NXPH2: variants seen among roughly 807,000 people sequenced by gnomAD.
NXPH2 encodes the protein neurexophilin 2.
A neutral mutation model predicts 19.8 loss-of-function variants in NXPH2; 5 were observed. That is an observed-to-expected ratio of 0.25 (90% CI 0.13 to 0.53). The LOEUF (loss-of-function observed/expected upper bound fraction) is 0.53. NXPH2 is among the 20% of genes least tolerant of loss of function. NXPH2 has a pLI of 0.96. For synonymous variants in NXPH2, 154 were observed against 127.4 expected (o/e 1.21, Z -1.41); for missense variants, 289 against 322.8 (o/e 0.90, Z 0.80).
intron 1 of NXPH2, among the ~76,000 whole-genome samples, chr2:138,722,468 C>T (rs1377519845): frequency 2.0e-5 from 3 of 152,184 alleles, no homozygotes; most frequent in Admixed American, 6.5e-5. Flanking sequence ...CATGGGCAAG[C>T]GTCCAGGCCA....
chr2:138,756,553 C>T (rs892139236), intron 1 of NXPH2, among the ~76,000 whole-genome samples: 69 of 151,624 alleles, frequency 4.6e-4, no homozygotes, highest in African/African-American at 1.6e-3. Context: ...AAGTGTTTAA[C>T]TGAATTTTTA....
intron 1 of NXPH2, among the ~76,000 whole-genome samples, chr2:138,677,928 C>T (rs937405122): frequency 6.6e-6 from 1 of 152,182 alleles, no homozygotes; most frequent in Non-Finnish European, 1.5e-5. Flanking sequence ...ACATCTAACA[C>T]TATAGTATAT....
chr2:138,687,804 C>CTTA (rs1490645486), intron 1 of NXPH2, among the ~76,000 whole-genome samples: 1 of 152,116 alleles, frequency 6.6e-6, no homozygotes, highest in Non-Finnish European at 1.5e-5. Flanking sequence ...GAATCCTTTC[C>CTTA]TTATTTCTTG....
At chr2:138,697,493 A>G (rs1680845914) in intron 1 of NXPH2, among the ~76,000 whole-genome samples, 1 of 152,090 alleles carries the variant, frequency 6.6e-6, no homozygotes, top group Non-Finnish European at 1.5e-5. Context: ...TTATGTAAGT[A>G]AAGACTACTT....
At chr2:138,774,304 C>A (rs1001746714) in intron 1 of NXPH2, among the ~76,000 whole-genome samples, 2 of 152,100 alleles carry the variant, frequency 1.3e-5, no homozygotes, top group African/African-American at 4.8e-5. Context: ...AATAAGTGCT[C>A]ATCAATTCTC....
chr2:138,714,987 G>A (rs1239349225), intron 1 of NXPH2, among the ~76,000 whole-genome samples: 1 of 152,106 alleles, frequency 6.6e-6, no homozygotes, highest in East Asian at 1.9e-4. Context: ...AACATCAATG[G>A]GAAAGTGGAA....
intron 1 of NXPH2, among the ~76,000 whole-genome samples, chr2:138,772,581 G>C (rs1475685689): frequency 2.0e-5 from 3 of 152,166 alleles, no homozygotes; most frequent in African/African-American, 7.2e-5. Flanking sequence ...ACAGGGGTGA[G>C]CCACCGCGCC....
intron 1 of NXPH2, among the ~76,000 whole-genome samples, chr2:138,750,772 A>G (rs1681818035): frequency 6.6e-6 from 1 of 152,170 alleles, no homozygotes; most frequent in Non-Finnish European, 1.5e-5. Flanking sequence ...CAAGACAACA[A>G]CAACAACCAT....
At chr2:138,694,948 G>A (rs188843926) in intron 1 of NXPH2, among the ~76,000 whole-genome samples, 15 of 152,262 alleles carry the variant, frequency 9.9e-5, no homozygotes, top group African/African-American at 3.6e-4. Flanking sequence ...TACACACCTA[G>A]GCTATATGGT....
intron 1 of NXPH2, among the ~76,000 whole-genome samples, chr2:138,731,045 A>G (rs1409880355): frequency 6.6e-6 from 1 of 152,024 alleles, no homozygotes; most frequent in Non-Finnish European, 1.5e-5. Context: ...TTCCCCTTTC[A>G]TTGTCTTACA....
At chr2:138,733,338 T>C (rs1681481491) in intron 1 of NXPH2, among the ~76,000 whole-genome samples, 1 of 152,198 alleles carries the variant, frequency 6.6e-6, no homozygotes, top group Non-Finnish European at 1.5e-5. Flanking sequence ...AAGTTACACA[T>C]ATTGAGAAAA....
intron 1 of NXPH2, among the ~76,000 whole-genome samples, chr2:138,774,980 A>G (rs1332726059): frequency 6.6e-6 from 1 of 152,236 alleles, no homozygotes; most frequent in African/African-American, 2.4e-5. Flanking sequence ...AATCTAAGTC[A>G]GCGTTATTAT....
intron 1 of NXPH2, among the ~76,000 whole-genome samples, chr2:138,686,753 C>T (rs762570338): frequency 2.6e-5 from 4 of 152,114 alleles, no homozygotes; most frequent in Non-Finnish European, 4.4e-5. Context: ...TTCCTGTGTC[C>T]GTGTGTTCTC....
chr2:138,723,428 C>T (rs183874224), intron 1 of NXPH2, among the ~76,000 whole-genome samples: 168 of 152,290 alleles, frequency 1.1e-3, no homozygotes, highest in African/African-American at 3.9e-3. Flanking sequence ...TCCCTGAAAT[C>T]TAGTTCTCAA....
chr2:138,756,907 A>G (rs1219356262), intron 1 of NXPH2, among the ~76,000 whole-genome samples: 1 of 152,174 alleles, frequency 6.6e-6, no homozygotes, highest in Admixed American at 6.5e-5. Flanking sequence ...TGGGTATGTG[A>G]CTTACTCATT....
chr2:138,777,750 T>C (rs1254641143), intron 1 of NXPH2, among the ~76,000 whole-genome samples: 1 of 150,142 alleles, frequency 6.7e-6, no homozygotes, highest in Non-Finnish European at 1.5e-5. Context: ...ATAAGTATGT[T>C]CTTCAGGCTG....
At chr2:138,743,555 G>A (rs573052165) in intron 1 of NXPH2, among the ~76,000 whole-genome samples, 1 of 152,274 alleles carries the variant, frequency 6.6e-6, no homozygotes, top group African/African-American at 2.4e-5. Flanking sequence ...ACTGCTAATG[G>A]GTATGGGGTT....
chr2:138,670,829 A>G lies in NXPH2; in HGVS notation c.*93T>C, dbSNP rs1558909361. 7.3e-7 allele frequency: 1 copy of G among 1,372,950 alleles called. No individual in the cohort carries two copies. Among genetic ancestry groups the G allele is most frequent in the East Asian group, 2.3e-5 (1 of 43,018 alleles). The allele number at this position is 1,372,950 out of a possible 1,614,324, so 85.0% of individuals were successfully genotyped here. A position where few individuals can be genotyped will look rare whatever the true frequency, so the allele number is the denominator to read the frequency against. ...GGAACTATTGTTCACTGCCAGAAAC[A>G]AAAGGGATCCTTTATCATAAAGAGC... On this transcript the variant is annotated 3_prime_UTR_variant, in exon 2 of 2. Coordinates refer to ENST00000272641, the MANE Select transcript of NXPH2 (RefSeq NM_007226.3).
At chr2:138,739,295 G>C (rs544219584) in intron 1 of NXPH2, among the ~76,000 whole-genome samples, 1 of 152,184 alleles carries the variant, frequency 6.6e-6, no homozygotes, top group East Asian at 1.9e-4. Context: ...CACAGCCCCA[G>C]TGTGAATGAA....
Sources: allele counts gnomAD v4.1 joint callset (sites outside exome capture counted in the v4.1 genomes callset), GRCh38; gene constraint gnomAD v4.1.1; transcripts MANE v1.5; gene names NCBI Gene and HGNC (gene_info 2026-07-23, HGNC 2026-07-21).